Variants in PRKDC observed in about 807,000 individuals in gnomAD.
The protein encoded by PRKDC is protein kinase, DNA-activated, catalytic subunit.
In PRKDC, 82 loss-of-function variants were observed where a neutral mutation model predicts 486.9. The observed-to-expected ratio is 0.17, with a 90% CI of 0.14 to 0.20. The LOEUF is 0.20. Among genes scored for constraint, PRKDC ranks in the 10% least tolerant of loss-of-function variants. PRKDC has a pLI of 1.00. For missense variants in PRKDC, 4,504 were observed against 5,038.2 expected, an observed-to-expected ratio of 0.89 and a Z score of 3.21; for synonymous variants, 1,895 against 1,837.0, an observed-to-expected ratio of 1.03 and a Z score of -0.81.
At chr8:47,828,436 CTG>C (rs2087787640) in intron 61 of PRKDC, 89 bp from the exon 62 acceptor site, 1 of 1,081,568 alleles carries the variant, frequency 9.2e-7, no homozygotes, top group African/African-American at 1.6e-5. Context: ...AAAATACAAA[CTG>C]TTGCAAACAC....
chr8:47,800,922 G>C lies in PRKDC; in HGVS notation c.9987C>G (p.Leu3329=). The part of the protein sequence containing the change: ...NILAFRDQNI[L]LGTTYRIIAN... ...CTATGATCCTGTAAGTTGTACCCAA[G>C]AGAATGTTCTGGTCACGGAAAGCCA... is the stretch of plus-strand genomic sequence containing the variant. The change falls in exon 71 of 86, where the codon CTC becomes CTG. Residue 3329 remains leucine, a synonymous_variant. Coordinates refer to ENST00000314191, the MANE Select transcript of PRKDC (RefSeq NM_006904.7). 1 of 1,613,964 alleles carries C rather than the reference G, an allele frequency of 6.2e-7. No individual in the cohort carries two copies. The highest frequency in any genetic ancestry group is 1.3e-5 in the African/African-American group (1 of 75,044).
At chr8:47,818,919 C>T (rs1018069181) in intron 67 of PRKDC, among the ~76,000 whole-genome samples, 20 of 152,194 alleles carry the variant, frequency 1.3e-4, no homozygotes, top group African/African-American at 4.8e-4. Context: ...CACTCATCAG[C>T]GATACAAAGG....
chr8:47,934,027 C>T lies in PRKDC; in HGVS notation c.1561G>A (p.Val521Met). 1 of 1,613,710 alleles carries T rather than the reference C, an allele frequency of 6.2e-7. No individual in the cohort carries two copies. The highest frequency in any genetic ancestry group is 8.5e-7 in the Non-Finnish European group (1 of 1,179,782). ...TCCACGTAGTCTTTGTATGTGGGCACCTTCCATTTGCCAGTTCTGACTTCC... is the reference window on the plus strand; with the variant it reads ...TCCACGTAGTCTTTGTATGTGGGCATCTTCCATTTGCCAGTTCTGACTTCC... The part of the protein sequence containing the change: ...SGEVRTGKWK[V>M]PTYKDYVDLF... The change falls in exon 15 of 86, where the codon GTG becomes ATG. Residue 521 changes from valine (V) to methionine (M), a missense_variant. By Grantham distance (21) the Val-to-Met change is conservative. Around this residue, in one of 6 missense-constraint regions of PRKDC, gnomAD observed 1,969 missense variants for 2,068.9 expected, o/e 0.95. Coordinates refer to ENST00000314191, the MANE Select transcript of PRKDC (RefSeq NM_006904.7).
chr8:47,783,793 C>G lies in PRKDC; in HGVS notation c.11124G>C (p.Arg3708Ser). 6.2e-7 allele frequency: 1 copy of G among 1,613,956 alleles called. No homozygotes were observed. The highest frequency in any genetic ancestry group is 8.5e-7 in the Non-Finnish European group (1 of 1,179,874). Residue 3708 changes from arginine (R) to serine (S), a missense_variant, in exon 78 of 86, where the codon AGG (arginine) becomes AGC (serine). Arg to Ser is a moderately radical substitution (Grantham distance 110). Around this residue, in one of 6 missense-constraint regions of PRKDC, gnomAD observed 706 missense variants for 945.0 expected, o/e 0.75. Transcript: ENST00000314191. ...CGTGGTACTCTGGCAATGGCTTTCC[C>G]CTACCGTCATACTGACCTAAAACAA... ...ELEIPGQYDGRGKPLPEYHVR... is the reference protein window; with the variant it reads ...ELEIPGQYDGSGKPLPEYHVR...
chr8:47,890,137 TAATA>T, intron 32 of PRKDC, 116 bp downstream of exon 32: 1 of 380,898 alleles, frequency 2.6e-6, no homozygotes, highest in Non-Finnish European at 4.3e-6. Context: ...AATATAATAA[TAATA>T]ATAATAATAA....
At chr8:47,952,478 C>T (rs906959784) in intron 7 of PRKDC, among the ~76,000 whole-genome samples, 8 of 152,110 alleles carry the variant, frequency 5.3e-5, no homozygotes, top group African/African-American at 1.9e-4. Flanking sequence ...TTAACTATGG[C>T]TCTAAGTCAG....
At chr8:47,868,653 C>T (rs2088872435) in intron 40 of PRKDC, among the ~76,000 whole-genome samples, 2 of 152,152 alleles carry the variant, frequency 1.3e-5, no homozygotes, top group Non-Finnish European at 1.5e-5. Flanking sequence ...ATTGTCTCCC[C>T]CGCAGAACGC....
chr8:47,862,122 C>T lies in PRKDC; in HGVS notation c.5925G>A (p.Leu1975=), dbSNP rs1365370162. The T allele has an allele frequency of 1.3e-6, 2 of 1,549,060 alleles. No homozygotes were observed. Among genetic ancestry groups the T allele is most frequent in the Admixed American group, 2.0e-5 (1 of 51,128 alleles). ...FLFSEKPEKN[L]LIFENLIDLK... is the part of the protein sequence containing the mutation. ...GGTCGATCAGATTTTCAAAAATAAG[C>T]AAGTTCTGTGAATACAAAGAATCAT... The change falls in exon 44 of 86, where the codon TTG becomes TTA. Residue 1975 remains leucine, a synonymous_variant. Coordinates refer to ENST00000314191, the MANE Select transcript of PRKDC (RefSeq NM_006904.7).
intron 57 of PRKDC, among the ~76,000 whole-genome samples, chr8:47,836,941 G>A (rs1455084555): frequency 1.3e-5 from 2 of 152,210 alleles, no homozygotes; most frequent in Non-Finnish European, 2.9e-5. Flanking sequence ...AGGCTGCTGC[G>A]AGACAGGACA....
In PRKDC at chr8:47,798,338, C is replaced by T; in HGVS notation, c.10357G>A (p.Ala3453Thr). 6.2e-7 allele frequency: 1 copy of T among 1,612,748 alleles called. No homozygotes were observed. The highest frequency in any genetic ancestry group is 1.1e-5 in the South Asian group (1 of 90,710). ...PALVVEKMLK[A>T]LKLNSNEARL... The stretch of plus-strand genomic sequence containing the variant: ...GCTTCATTGGAATTTAATTTTAAAG[C>T]TTTCAACATTTTCTCCACCACAAGT... Residue 3453 changes from alanine to threonine, a missense_variant, in exon 73 of 86, where the codon GCT (alanine) becomes ACT (threonine). Physicochemically the swap from Ala to Thr is moderately conservative, Grantham distance 58. Around this residue, in one of 6 missense-constraint regions of PRKDC, gnomAD observed 706 missense variants for 945.0 expected, o/e 0.75. Transcript: ENST00000314191.
intron 70 of PRKDC, among the ~76,000 whole-genome samples, chr8:47,802,814 G>A (rs1228485028): frequency 2.0e-5 from 3 of 151,936 alleles, no homozygotes; most frequent in African/African-American, 7.3e-5. Flanking sequence ...CACCATGCCT[G>A]GTTAATTTTT....
intron 27 of PRKDC, among the ~76,000 whole-genome samples, chr8:47,900,879 G>GT (rs1212618272): frequency 2.6e-5 from 4 of 151,384 alleles, no homozygotes; most frequent in South Asian, 4.2e-4. Context: ...TTTTGTTGTT[G>GT]TTTTTTTAAA....
At chr8:47,908,293 T>A (rs984201115) in intron 25 of PRKDC, among the ~76,000 whole-genome samples, 15 of 152,372 alleles carry the variant, frequency 9.8e-5, no homozygotes, top group Non-Finnish European at 2.2e-4. Context: ...CATCGGCCAT[T>A]TACATTTCTT....
At chr8:47,912,281 T>C in intron 25 of PRKDC, 129 bp downstream of exon 25, 2 of 1,060,638 alleles carry the variant, frequency 1.9e-6, no homozygotes, top group Non-Finnish European at 2.5e-6. Context: ...CCAGAGCACC[T>C]GGGGTAGCAG....
At chr8:47,803,958 G>T (rs1429779350) in intron 69 of PRKDC, among the ~76,000 whole-genome samples, 4 of 151,904 alleles carry the variant, frequency 2.6e-5, no homozygotes, top group African/African-American at 7.3e-5. Flanking sequence ...ATTCCAGGGG[G>T]TGTGGCAGGG....
intron 1 of PRKDC, among the ~76,000 whole-genome samples, chr8:47,957,861 C>A (rs2090733964): frequency 6.6e-6 from 1 of 152,158 alleles, no homozygotes; most frequent in Non-Finnish European, 1.5e-5. Context: ...AAAACACTAA[C>A]CCAAGGTTGC....
intron 50 of PRKDC, among the ~76,000 whole-genome samples, chr8:47,854,928 C>G (rs955890608): frequency 6.6e-6 from 1 of 152,084 alleles, no homozygotes; most frequent in Non-Finnish European, 1.5e-5. Context: ...AAAGGAATTA[C>G]GCACAAATCC....
chr8:47,874,241 G>A (rs1026602833), intron 40 of PRKDC, among the ~76,000 whole-genome samples: 11 of 151,964 alleles, frequency 7.2e-5, no homozygotes, highest in East Asian at 1.9e-4. Flanking sequence ...GAGCCACTGC[G>A]CCTAGCCAAT....
At chr8:47,775,364 ATTTTTTTT>A (rs761373021) in intron 85 of PRKDC, among the ~76,000 whole-genome samples, 26 of 87,574 alleles carry the variant, frequency 3.0e-4, no homozygotes, top group Non-Finnish European at 4.7e-4. Flanking sequence ...TCTTTTGACC[ATTTTTTTT>A]TTTTTTTTTT....
Sources: allele counts gnomAD v4.1 joint callset (sites outside exome capture counted in the v4.1 genomes callset), GRCh38; gene constraint gnomAD v4.1.1; regional missense constraint gnomAD v4.1.1; transcripts MANE v1.5; gene names NCBI Gene and HGNC (gene_info 2026-07-23, HGNC 2026-07-21).